Variants in TRIOBP observed in about 807,000 individuals in gnomAD.
TRIOBP encodes TRIO and F-actin-binding protein.
Under a neutral mutation model 238.8 loss-of-function variants are expected in TRIOBP, and 169 were observed. The ratio of observed to expected loss-of-function variants is 0.71; its 90% CI spans 0.62 to 0.80. TRIOBP has a LOEUF of 0.80. Ranked by LOEUF, TRIOBP falls within the 30% of genes least tolerant of loss-of-function variation. TRIOBP has a pLI of 0.00. For synonymous variants in TRIOBP, 1,150 were observed against 1,274.4 expected (o/e 0.90, Z 2.08); for missense variants, 2,838 against 3,122.6 (o/e 0.91, Z 2.17).
rs772484377 is a variant in TRIOBP at position 37,754,956 on chromosome 22, A to G, written c.5459A>G (p.Lys1820Arg). 6 of 1,614,096 alleles carry G rather than the reference A, an allele frequency of 3.7e-6. No individual in the cohort carries two copies. Among genetic ancestry groups the G allele is most frequent in the Admixed American group, 1.7e-5 (1 of 60,020 alleles). The change falls in exon 13 of 24, where the codon AAA (lysine) becomes AGA (arginine). Residue 1820 changes from lysine to arginine, a missense_variant. Lys to Arg is a conservative substitution (Grantham distance 26, BLOSUM62 2). Around this residue, in one of 5 missense-constraint regions of TRIOBP, gnomAD observed 2,096 missense variants for 2,137.4 expected, o/e 0.98. Coordinates refer to ENST00000644935, the MANE Select transcript of TRIOBP (RefSeq NM_001039141.3). The stretch of plus-strand genomic sequence containing the variant: ...TTTGTGCTGACAGATTCAAGTCTCA[A>G]ATATTACAGAGACTCCACTGCTGAG... ...HWFVLTDSSL[K>R]YYRDSTAEEA... is the part of the protein sequence containing the mutation.
At chr22:37,766,442 C>T (rs1926497596) in intron 18 of TRIOBP, among the ~76,000 whole-genome samples, 1 of 152,262 alleles carries the variant, frequency 6.6e-6, no homozygotes, top group Admixed American at 6.5e-5. Flanking sequence ...GCCAAGTGCT[C>T]ATGCACTCGA....
Position 37,701,389 on chromosome 22 carries a change from C to T in TRIOBP, c.24C>T (p.Ala8=). The change falls in exon 3 of 24, where the codon GCC becomes GCT. Residue 8 remains alanine, a synonymous_variant. Coordinates refer to ENST00000644935, the MANE Select transcript of TRIOBP (RefSeq NM_001039141.3). The part of the protein sequence containing the change: MEEVPGD[A]LCEHFEANIL... ...ATATGGAGGAGGTGCCTGGGGATGC[C>T]CTGTGTGAACACTTTGAGGCCAACA... is the stretch of plus-strand genomic sequence containing the variant. The T allele has an allele frequency of 6.2e-7, 1 of 1,613,642 alleles. No individual in the cohort carries two copies. The highest frequency in any genetic ancestry group is 2.2e-5 in the East Asian group (1 of 44,868).
rs753090346 is a variant in TRIOBP, at chr22:37,769,100, T to C, written c.6648T>C (p.Ile2216=). ...AGTACTCGCAGAAGTGCCTGGAGAT[T>C]GGGGCACTCATGCGGCAGGCTGAGG... ...SEQYSQKCLE[I]GALMRQAEER... The change falls in exon 20 of 24, where the codon ATT becomes ATC. Residue 2216 remains isoleucine (I), a synonymous_variant. Transcript: ENST00000644935. 6.2e-7 allele frequency: 1 copy of C among 1,613,516 alleles called. No homozygotes were observed. Among genetic ancestry groups the C allele is most frequent in the Non-Finnish European group, 8.5e-7 (1 of 1,180,002 alleles).
intron 23 of TRIOBP, among the ~76,000 whole-genome samples, chr22:37,773,287 C>T (rs1251289673): frequency 6.6e-6 from 1 of 152,054 alleles, no homozygotes. Context: ...GGTGCAATCA[C>T]GGCTCACTGC....
In TRIOBP at chr22:37,725,786, C is replaced by G. The variant is rs540351890; in HGVS notation, c.3230C>G (p.Pro1077Arg). 3.1e-6 allele frequency: 5 copies of G among 1,608,764 alleles called. No individual in the cohort carries two copies. In the Admixed American group the frequency reaches 6.7e-5, roughly 21 times the overall value. ...HRDAPRASSP[P>R]RHTQFDPFPF... ...GATGCCCCCCGGGCGTCCTCGCCCC[C>G]CCGCCACACCCAATTTGACCCCTTC... Residue 1077 changes from proline (P) to arginine (R), a missense_variant, in exon 7 of 24, where the codon CCC (proline) becomes CGC (arginine). Transcript: ENST00000644935.
intron 11 of TRIOBP, among the ~76,000 whole-genome samples, chr22:37,745,980 C>T (rs1397222425): frequency 6.6e-6 from 1 of 150,856 alleles, no homozygotes; most frequent in Non-Finnish European, 1.5e-5. Flanking sequence ...AGCGCGCCCG[C>T]GGCCCGGGCC....
intron 3 of TRIOBP, among the ~76,000 whole-genome samples, chr22:37,707,133 G>A (rs1922986457): frequency 6.6e-6 from 1 of 152,094 alleles, no homozygotes; most frequent in Admixed American, 6.6e-5. Flanking sequence ...AAAATTAACA[G>A]GGTGTGGTGG....
rs1331539152 is a variant in TRIOBP at position 37,738,728 on chromosome 22, G to A, written c.5184+9G>A. 3 of 1,613,814 alleles carry A rather than the reference G, an allele frequency of 1.9e-6. No individual in the cohort carries two copies. The Admixed American group carries it at 5.0e-5, about 27-fold the overall frequency. ...AGAAGCAGGCAGACTCGGTAGCTGG[G>A]TCATGGGTGTGGGTACATACGGTGG... On this transcript the variant is annotated intron_variant, in intron 10 of 23. Coordinates refer to ENST00000644935, the MANE Select transcript of TRIOBP (RefSeq NM_001039141.3).
chr22:37,726,492 G>T lies in TRIOBP; in HGVS notation c.3936G>T (p.Gly1312=). ...PGRAEVERLF[G]QERRKSEAAG... is the part of the protein sequence containing the mutation. ...GTGCAGAGGTGGAGCGCCTCTTCGG[G>T]CAAGAGCGCAGGTGAGCCCGGGGGT... Residue 1312 remains glycine, a synonymous_variant, in exon 7 of 24, where the codon GGG becomes GGT. Coordinates refer to ENST00000644935, the MANE Select transcript of TRIOBP (RefSeq NM_001039141.3). 1 of 1,519,958 alleles carries T rather than the reference G, an allele frequency of 6.6e-7. No homozygotes were observed. The allele number at this position is 1,519,958 out of a possible 1,614,324, so 94.2% of individuals were successfully genotyped here. A position where few individuals can be genotyped will look rare whatever the true frequency, so the allele number is the denominator to read the frequency against.
intron 2 of TRIOBP, among the ~76,000 whole-genome samples, chr22:37,698,502 C>A (rs542066968): frequency 6.6e-6 from 1 of 150,964 alleles, no homozygotes; most frequent in Non-Finnish European, 1.5e-5. Context: ...TACAGGCATG[C>A]GCACCACGCC....
intron 6 of TRIOBP, among the ~76,000 whole-genome samples, chr22:37,721,584 C>T (rs1282748710): frequency 6.6e-6 from 1 of 152,184 alleles, no homozygotes; most frequent in East Asian, 1.9e-4. Flanking sequence ...CTCAGGCACT[C>T]CTCCGGCCTC....
intron 5 of TRIOBP, among the ~76,000 whole-genome samples, chr22:37,714,407 G>A (rs1042763401): frequency 6.6e-6 from 1 of 152,214 alleles, no homozygotes; most frequent in Non-Finnish European, 1.5e-5. Context: ...GGTGGCTCAC[G>A]CCTGTAATCC....
At position 37,746,116 on chromosome 22, in the gene TRIOBP, G is replaced by C. The variant is rs1455473944; in HGVS notation, c.5322+5084G>C. On this transcript the variant is annotated intron_variant, in intron 11 of 23. Coordinates refer to ENST00000644935, the MANE Select transcript of TRIOBP (RefSeq NM_001039141.3). ...CCCGTTGCGGCAGGTCCCGCCCCCG[G>C]CCCGTCTCGCGCTTCCATTGGCCCG... 5 of 909,480 alleles carry C rather than the reference G, an allele frequency of 5.5e-6. 1 individual carries two copies. In the South Asian group the frequency reaches 2.0e-4, roughly 37 times the overall value. 56.3% of individuals were successfully genotyped at this position (909,480 alleles called of 1,614,324 possible).
chr22:37,733,438 C>T (rs1924519112), intron 8 of TRIOBP, 26 bp downstream of exon 8: 1 of 1,534,424 alleles, frequency 6.5e-7, no homozygotes, highest in Admixed American at 2.0e-5. Flanking sequence ...TGTCTGGGGC[C>T]CCGCACCCCA....
chr22:37,770,353 G>A (rs1289692284), intron 21 of TRIOBP, among the ~76,000 whole-genome samples: 4 of 150,572 alleles, frequency 2.7e-5, no homozygotes, highest in Non-Finnish European at 5.9e-5. Context: ...CGGAGGCTGA[G>A]GCAGGAGAAT....
chr22:37,763,472 C>T (rs1292038586), intron 17 of TRIOBP, among the ~76,000 whole-genome samples: 2 of 152,140 alleles, frequency 1.3e-5, no homozygotes, highest in Non-Finnish European at 2.9e-5. Flanking sequence ...TCCATCAAAT[C>T]GTCCCCAGGT....
chr22:37,709,282 C>G (rs1168929385), intron 3 of TRIOBP, among the ~76,000 whole-genome samples: 2 of 152,206 alleles, frequency 1.3e-5, no homozygotes, highest in Non-Finnish European at 2.9e-5. Context: ...GCTCCAGGGT[C>G]CCCAGGGATC....
At position 37,758,120 on chromosome 22, in the gene TRIOBP, C is replaced by T. The variant is rs532142037; in HGVS notation, c.6195C>T (p.His2065=). The T allele has an allele frequency of 5.0e-6, 8 of 1,610,942 alleles. No homozygotes were observed. The highest frequency in any genetic ancestry group is 4.5e-5 in the East Asian group (2 of 44,880). ...GERRGPPSDG[H]EALEKEVQAL... Reference sequence around the variant, plus strand: ...GCCGAGGGCCCCCAAGTGACGGCCACGAGGCACTGGAGAAGGAGGTAGGCA... The same window carrying T: ...GCCGAGGGCCCCCAAGTGACGGCCATGAGGCACTGGAGAAGGAGGTAGGCA... The change falls in exon 16 of 24, where the codon CAC becomes CAT. Residue 2065 remains histidine, a synonymous_variant. Coordinates refer to ENST00000644935, the MANE Select transcript of TRIOBP (RefSeq NM_001039141.3).
chr22:37,755,051 G>A (rs373990649), intron 13 of TRIOBP, 50 bp from the exon 14 acceptor site: 167 of 1,611,158 alleles, frequency 1.0e-4, no homozygotes, highest in Non-Finnish European at 1.3e-4. Flanking sequence ...GTTCACTGGG[G>A]TGGGTCACAC....
Sources: allele counts gnomAD v4.1 joint callset (sites outside exome capture counted in the v4.1 genomes callset), GRCh38; gene constraint gnomAD v4.1.1; regional missense constraint gnomAD v4.1.1; transcripts MANE v1.5; gene names NCBI Gene and HGNC (gene_info 2026-07-23, HGNC 2026-07-21).